ASTN2: variants seen among roughly 807,000 people sequenced by gnomAD.
The protein encoded by ASTN2 is astrotactin-2.
Under a neutral mutation model 139.8 loss-of-function variants are expected in ASTN2, and 54 were observed. The ratio of observed to expected loss-of-function variants is 0.39; its 90% confidence interval spans 0.31 to 0.48. The LOEUF is 0.48. Ranked by LOEUF, ASTN2 falls within the 20% of genes least tolerant of loss-of-function variation. The probability of loss-of-function intolerance (pLI) is 0.95; values close to 1 mark genes in which losing one functional copy is unlikely to be tolerated. For missense variants in ASTN2, 1,565 were observed against 1,725.1 expected (o/e 0.91, Z 1.64); for synonymous variants, 756 against 719.5 (o/e 1.05, Z -0.81).
chr9:117,051,785 G>A (rs1368532911), intron 5 of ASTN2, among the ~76,000 whole-genome samples: 1 of 152,138 alleles, frequency 6.6e-6, no homozygotes, highest in Non-Finnish European at 1.5e-5. Context: ...GAGGGCAGGA[G>A]GACAGCCACG....
intron 3 of ASTN2, among the ~76,000 whole-genome samples, chr9:117,196,785 C>T (rs1831518264): frequency 6.6e-6 from 1 of 152,112 alleles, no homozygotes; most frequent in African/African-American, 2.4e-5. Context: ...GAAAATTATG[C>T]ATATAAAATG....
intron 11 of ASTN2, among the ~76,000 whole-genome samples, chr9:116,842,390 A>G (rs964518544): frequency 6.6e-6 from 1 of 152,194 alleles, no homozygotes; most frequent in African/African-American, 2.4e-5. Flanking sequence ...AGGCAAGGTT[A>G]TTGAAGATCA....
intron 5 of ASTN2, among the ~76,000 whole-genome samples, chr9:117,079,635 C>T (rs553618774): frequency 1.3e-5 from 2 of 151,942 alleles, no homozygotes; most frequent in Non-Finnish European, 2.9e-5. Context: ...TTTTCTTTCT[C>T]TTTCTTCTTT....
At chr9:116,554,331 A>G (rs940683553) in intron 19 of ASTN2, among the ~76,000 whole-genome samples, 2 of 152,198 alleles carry the variant, frequency 1.3e-5, no homozygotes, top group Non-Finnish European at 2.9e-5. Flanking sequence ...GATGTTAAGA[A>G]GACAGGGAGG....
At chr9:117,163,923 A>G (rs1830610291) in intron 3 of ASTN2, among the ~76,000 whole-genome samples, 1 of 152,100 alleles carries the variant, frequency 6.6e-6, no homozygotes, top group African/African-American at 2.4e-5. Flanking sequence ...TGTATAACTT[A>G]TGACTCTCCA....
intron 19 of ASTN2, among the ~76,000 whole-genome samples, chr9:116,565,388 C>CTCTCTCTCTCTCTCTATAT (rs1564120372): frequency 5.9e-5 from 2 of 34,020 alleles, no homozygotes; most frequent in African/African-American, 1.4e-4. Flanking sequence ...TCTCTCTCTC[C>CTCTCTCTCTCTCTCTATAT]ATATATATAT....
intron 20 of ASTN2, among the ~76,000 whole-genome samples, chr9:116,460,170 T>G (rs140736745): frequency 6.6e-6 from 1 of 152,148 alleles, no homozygotes; most frequent in Non-Finnish European, 1.5e-5. Context: ...TATTGCATGA[T>G]TCCACTTATA....
intron 1 of ASTN2, among the ~76,000 whole-genome samples, chr9:117,292,339 C>A (rs1022189485): frequency 6.6e-6 from 1 of 152,080 alleles, no homozygotes; most frequent in South Asian, 2.1e-4. Flanking sequence ...ATGTATCATA[C>A]CTTTTTATTA....
At chr9:117,142,436 C>T (rs901646995) in intron 3 of ASTN2, among the ~76,000 whole-genome samples, 21 of 152,238 alleles carry the variant, frequency 1.4e-4, no homozygotes, top group African/African-American at 4.8e-4. Flanking sequence ...GTGGATATGT[C>T]GATCACTTAG....
chr9:116,992,462 T>C lies in ASTN2; in HGVS notation c.1591+15630A>G, dbSNP rs73655571. Among the ~76,000 whole-genome samples the C allele has an allele frequency of 2.4e-3, 371 of 152,260 alleles. 3 individuals are homozygous for C. The highest frequency in any genetic ancestry group is 8.0e-3 in the African/African-American group (333 of 41,556). On this transcript the variant is annotated intron_variant, in intron 7 of 22. Transcript: ENST00000313400. ...TTTTCCCTCCACATTTAAGAGGGCATGTAGAATTGTGTAAGGACAGGGTTA... is the reference window on the plus strand; with the variant it reads ...TTTTCCCTCCACATTTAAGAGGGCACGTAGAATTGTGTAAGGACAGGGTTA...
chr9:116,675,173 T>C (rs924119557), intron 16 of ASTN2, among the ~76,000 whole-genome samples: 1 of 152,174 alleles, frequency 6.6e-6, no homozygotes, highest in Admixed American at 6.5e-5. Context: ...CTGACTCTGG[T>C]ACTCTATTGG....
At chr9:116,832,284 C>T (rs1831835884) in intron 11 of ASTN2, among the ~76,000 whole-genome samples, 3 of 152,076 alleles carry the variant, frequency 2.0e-5, no homozygotes, top group Admixed American at 1.3e-4. Context: ...ATGTGATCTG[C>T]CAATGGGTAA....
chr9:116,677,741 A>T (rs10983303), intron 16 of ASTN2, among the ~76,000 whole-genome samples: 13,558 of 152,020 alleles, frequency 0.089, 624 homozygotes, highest in East Asian at 0.15. Flanking sequence ...CCTTTTGGGG[A>T]CCCAGGATCC....
chr9:116,901,067 C>T (rs1298695243), intron 10 of ASTN2, among the ~76,000 whole-genome samples: 1 of 150,882 alleles, frequency 6.6e-6, no homozygotes, highest in African/African-American at 2.4e-5. Flanking sequence ...ATTCCGACTC[C>T]AAATCCTATT....
At chr9:116,856,637 T>G (rs1832749005) in intron 11 of ASTN2, among the ~76,000 whole-genome samples, 1 of 152,220 alleles carries the variant, frequency 6.6e-6, no homozygotes, top group South Asian at 2.1e-4. Context: ...TAAATGGAAA[T>G]CCATATGTTT....
At position 117,414,400 on chromosome 9, in the gene ASTN2, C is replaced by A; in HGVS notation, c.442+97G>T. 1.3e-6 allele frequency: 2 copies of A among 1,546,558 alleles called. No individual in the cohort carries two copies. Among genetic ancestry groups the A allele is most frequent in the Non-Finnish European group, 1.7e-6 (2 of 1,147,218 alleles). ...CCTCTGCCAACCCCACTCGGGGCAG[C>A]CCCGGGCAGGGATCCCCAGGGCGCC... On this transcript the variant is annotated intron_variant, in intron 1 of 22. Coordinates refer to ENST00000313400, the MANE Select transcript of ASTN2 (RefSeq NM_001365068.1). This position sits in a 1 kb window ranked among gnomAD's most constrained non-coding sequence, Gnocchi z 4.2.
At chr9:116,896,357 A>G (rs945664442) in intron 10 of ASTN2, among the ~76,000 whole-genome samples, 4 of 152,106 alleles carry the variant, frequency 2.6e-5, no homozygotes, top group African/African-American at 7.2e-5. Flanking sequence ...TTTTTATGAG[A>G]TGGAGTTTCC....
Position 117,272,473 on chromosome 9 carries a change from T to C in ASTN2, c.630+18853A>G, listed in dbSNP as rs183197441. ...TTAACACTAGGCTCTTTGCTACTTATGTGAATTTCTGCAGCCAGCTTGAAT... is the reference window on the plus strand; with the variant it reads ...TTAACACTAGGCTCTTTGCTACTTACGTGAATTTCTGCAGCCAGCTTGAAT... On this transcript the variant is annotated intron_variant, in intron 2 of 22. Transcript: ENST00000313400. Among the ~76,000 whole-genome samples the C allele has an allele frequency of 3.3e-4, 51 of 152,374 alleles. No homozygotes were observed. The East Asian group carries it at 6.0e-3, about 18-fold the overall frequency.
At chr9:117,353,354 T>A (rs910598765) in intron 1 of ASTN2, among the ~76,000 whole-genome samples, 2 of 152,170 alleles carry the variant, frequency 1.3e-5, no homozygotes, top group Admixed American at 1.3e-4. Flanking sequence ...ATGTGTTACA[T>A]CTGTACTGTC....
Sources: allele counts gnomAD v4.1 joint callset (sites outside exome capture counted in the v4.1 genomes callset), GRCh38; gene constraint gnomAD v4.1.1; non-coding constraint Gnocchi (gnomAD v3.1); transcripts MANE v1.5; gene names NCBI Gene and HGNC (gene_info 2026-07-23, HGNC 2026-07-21).